PDGFD: variants seen among roughly 807,000 people sequenced by gnomAD.
PDGFD encodes the protein platelet-derived growth factor D.
A neutral mutation model predicts 44.7 loss-of-function variants in PDGFD; 30 were observed. The ratio of observed to expected loss-of-function variants is 0.67; its 90% CI spans 0.50 to 0.91. The LOEUF (loss-of-function observed/expected upper bound fraction) is 0.91. PDGFD is among the 40% of genes least tolerant of loss of function. PDGFD has a pLI of 0.00. For missense variants in PDGFD, 445 were observed against 457.8 expected (o/e 0.97, Z 0.25); for synonymous variants, 173 against 168.4 (o/e 1.03, Z -0.21).
intron 4 of PDGFD, among the ~76,000 whole-genome samples, chr11:103,947,234 T>C (rs934329302): frequency 3.9e-5 from 6 of 152,172 alleles, no homozygotes. Flanking sequence ...ACTGTAAACA[T>C]TGGGATTTTT....
At chr11:103,961,023 C>T (rs1397356461) in intron 3 of PDGFD, among the ~76,000 whole-genome samples, 1 of 152,176 alleles carries the variant, frequency 6.6e-6, no homozygotes, top group African/African-American at 2.4e-5. Context: ...CCCTCACATT[C>T]AATCCATAGC....
In PDGFD at chr11:103,974,995, C is replaced by A. The variant is rs184207990; in HGVS notation, c.510+21070G>T. 2.4e-3 allele frequency among the ~76,000 whole-genome samples: 364 copies of A among 152,240 alleles called. 2 individuals carry two copies. Among genetic ancestry groups the A allele is most frequent in the African/African-American group, 8.3e-3 (344 of 41,534 alleles). On this transcript the variant is annotated intron_variant, in intron 3 of 6. Coordinates refer to ENST00000393158, the MANE Select transcript of PDGFD (RefSeq NM_025208.5). ...CTTTATAGTAAAATGATTTATAATTCTTTGGGTATATACCCAGTAATGGGA... is the reference window on the plus strand; with the variant it reads ...CTTTATAGTAAAATGATTTATAATTATTTGGGTATATACCCAGTAATGGGA...
In PDGFD at chr11:103,984,980, A is replaced by G. The variant is rs1431244629; in HGVS notation, c.510+11085T>C. 4.2e-5 allele frequency among the ~76,000 whole-genome samples: 5 copies of G among 118,554 alleles called. 1 individual carries two copies. The highest frequency in any genetic ancestry group is 1.3e-4 in the African/African-American group (4 of 31,142). The allele number at this position is 118,554 out of a possible 152,430, so 77.8% of individuals were successfully genotyped here. On this transcript the variant is annotated intron_variant, in intron 3 of 6. Coordinates refer to ENST00000393158, the MANE Select transcript of PDGFD (RefSeq NM_025208.5). ...TAATATAGTTATATTTATTTAATATATAACATATTAATTTAATATGTTATA... is the reference window on the plus strand; with the variant it reads ...TAATATAGTTATATTTATTTAATATGTAACATATTAATTTAATATGTTATA...
At chr11:104,089,484 A>G (rs1861180114) in intron 1 of PDGFD, among the ~76,000 whole-genome samples, 1 of 152,214 alleles carries the variant, frequency 6.6e-6, no homozygotes, top group Admixed American at 6.5e-5. Flanking sequence ...TTGATGTTGA[A>G]AATTCCAAGT....
Position 103,941,311 on chromosome 11 carries a change from G to A in PDGFD, c.772+2141C>T, listed in dbSNP as rs189455012. On this transcript the variant is annotated intron_variant, in intron 5 of 6. Transcript: ENST00000393158. ...TGCTGGGATCCCAGATCCTCTTAGA[G>A]GAAACACAACAGTACAATAACAGTG... Among the ~76,000 whole-genome samples, 103 of 152,132 alleles carry A rather than the reference G, an allele frequency of 6.8e-4. 1 individual carries two copies. The highest frequency in any genetic ancestry group is 1.4e-3 in the Non-Finnish European group (93 of 67,980).
At chr11:104,037,838 A>G (rs1448092112) in intron 1 of PDGFD, 1 of 1,614,160 alleles carries the variant, frequency 6.2e-7, no homozygotes, top group South Asian at 1.1e-5. Flanking sequence ...CGGAGACATC[A>G]ATGTTCCATC....
chr11:104,143,668 C>T (rs541044244), intron 1 of PDGFD, among the ~76,000 whole-genome samples: 10 of 152,270 alleles, frequency 6.6e-5, no homozygotes, highest in South Asian at 2.1e-4. Context: ...GACCAAATGG[C>T]TACATTAGGG....
chr11:103,924,339 T>C (rs914489174), intron 6 of PDGFD, among the ~76,000 whole-genome samples: 12 of 152,220 alleles, frequency 7.9e-5, no homozygotes, highest in Non-Finnish European at 1.3e-4. Flanking sequence ...GCATTTATCC[T>C]TGGGGTATGA....
intron 1 of PDGFD, among the ~76,000 whole-genome samples, chr11:104,122,088 C>A (rs1263999972): frequency 2.6e-5 from 4 of 151,884 alleles, no homozygotes; most frequent in African/African-American, 9.7e-5. Flanking sequence ...TCCCTTTTAA[C>A]AAAAAGCAGC....
At chr11:103,931,291 G>T (rs1160903275) in intron 5 of PDGFD, among the ~76,000 whole-genome samples, 2 of 152,158 alleles carry the variant, frequency 1.3e-5, no homozygotes, top group Admixed American at 6.5e-5. Flanking sequence ...CTGTTTTTGT[G>T]AATACAAAAA....
chr11:104,069,126 T>C (rs1860836699), intron 1 of PDGFD, among the ~76,000 whole-genome samples: 1 of 152,222 alleles, frequency 6.6e-6, no homozygotes, highest in Non-Finnish European at 1.5e-5. Context: ...GCAATGTCAT[T>C]TCTCTTCAGG....
At chr11:104,109,903 T>C (rs535450353) in intron 1 of PDGFD, among the ~76,000 whole-genome samples, 6 of 152,176 alleles carry the variant, frequency 3.9e-5, no homozygotes, top group Non-Finnish European at 8.8e-5. Flanking sequence ...GCACCTCTCA[T>C]CACCTTGAGC....
intron 1 of PDGFD, among the ~76,000 whole-genome samples, chr11:104,046,356 T>C (rs1860442339): frequency 6.8e-6 from 1 of 147,724 alleles, no homozygotes; most frequent in South Asian, 2.3e-4. Flanking sequence ...TAAGAGCCAA[T>C]GCTACAGGCC....
chr11:104,057,931 C>T (rs1047542834), intron 1 of PDGFD, among the ~76,000 whole-genome samples: 20 of 152,190 alleles, frequency 1.3e-4, no homozygotes, highest in African/African-American at 4.1e-4. Flanking sequence ...GATTAGTTTT[C>T]AATAAATTGT....
chr11:104,064,629 A>G (rs1375821888), intron 1 of PDGFD, among the ~76,000 whole-genome samples: 2 of 152,158 alleles, frequency 1.3e-5, no homozygotes, highest in African/African-American at 4.8e-5. Context: ...ATAAAAGAGA[A>G]GTGAAAAGGA....
intron 1 of PDGFD, among the ~76,000 whole-genome samples, chr11:104,004,133 TA>T (rs374187898): frequency 4.6e-5 from 7 of 152,160 alleles, no homozygotes; most frequent in African/African-American, 1.7e-4. Context: ...TACACTGTCT[TA>T]AAGGTATTAA....
At position 104,008,287 on chromosome 11, in the gene PDGFD, A is replaced by G. The variant is rs190859396; in HGVS notation, c.125-8032T>C. On this transcript the variant is annotated intron_variant, in intron 1 of 6. Coordinates refer to ENST00000393158, the MANE Select transcript of PDGFD (RefSeq NM_025208.5). Reference sequence around the variant, plus strand: ...GGTTGGACTATGGGTAATAGATAAGATTAAACAATGCTCGGAAAATAAAAT... The same window carrying G: ...GGTTGGACTATGGGTAATAGATAAGGTTAAACAATGCTCGGAAAATAAAAT... Among the ~76,000 whole-genome samples the G allele has an allele frequency of 2.3e-3, 342 of 149,376 alleles. 5 individuals carry two copies. The highest frequency in any genetic ancestry group is 8.2e-3 in the African/African-American group (328 of 39,854).
chr11:104,122,899 G>GA (rs1246421360), intron 1 of PDGFD, among the ~76,000 whole-genome samples: 2 of 151,186 alleles, frequency 1.3e-5, no homozygotes, highest in South Asian at 2.1e-4. Flanking sequence ...TTTTATATCA[G>GA]AAAAAAAAAA....
chr11:103,987,440 T>C (rs562735265), intron 3 of PDGFD, among the ~76,000 whole-genome samples: 1 of 152,290 alleles, frequency 6.6e-6, no homozygotes, highest in African/African-American at 2.4e-5. Context: ...TGACCATTTG[T>C]AACCAGACTT....
Sources: allele counts gnomAD v4.1 joint callset (sites outside exome capture counted in the v4.1 genomes callset), GRCh38; gene constraint gnomAD v4.1.1; transcripts MANE v1.5; gene names NCBI Gene and HGNC (gene_info 2026-07-23, HGNC 2026-07-21).